Variants in LRRC17 observed in about 807,000 individuals in gnomAD.
LRRC17 encodes the protein leucine rich repeat containing 17.
LRRC17 carries 33 observed loss-of-function variants against 41.5 expected under a neutral mutation model. The ratio of observed to expected loss-of-function variants is 0.80; its 90% CI spans 0.60 to 1.06. The LOEUF is 1.06. Among genes scored for constraint, LRRC17 ranks in the 50% least tolerant of loss-of-function variants. LRRC17 has a pLI of 0.00. For synonymous variants in LRRC17, 192 were observed against 197.0 expected (o/e 0.97, Z 0.21); for missense variants, 491 against 519.3 (o/e 0.95, Z 0.53).
intron 1 of LRRC17, among the ~76,000 whole-genome samples, chr7:102,918,651 A>G (rs1010896304): frequency 1.3e-5 from 2 of 152,156 alleles, no homozygotes; most frequent in African/African-American, 4.8e-5. Context: ...TCTTGTCTCT[A>G]CAAAAGATTT....
Position 102,944,507 on chromosome 7 carries a change from C to T in LRRC17, c.1226C>T (p.Pro409Leu), listed in dbSNP as rs2129476065. The T allele has an allele frequency of 6.2e-7, 1 of 1,613,968 alleles. No individual in the cohort carries two copies. The highest frequency in any genetic ancestry group is 1.1e-5 in the South Asian group (1 of 91,072). Residue 409 changes from proline to leucine, a missense_variant, in exon 4 of 4, where the codon CCT becomes CTT. Transcript: ENST00000339431. ...ECPKDKLPAYPESFDQDTEDD... is the reference protein window; with the variant it reads ...ECPKDKLPAYLESFDQDTEDD... ...CCCAAAGACAAGTTACCAGCATATC[C>T]TGAGTCATTTGACCAAGACACAGAA...
At chr7:102,942,217 C>T (rs573167549) in intron 3 of LRRC17, 25 of 1,228,160 alleles carry the variant, frequency 2.0e-5, no homozygotes, top group Non-Finnish European at 2.8e-5. Flanking sequence ...TCTTTTGAAA[C>T]AAAAAAGTAT....
chr7:102,923,027 G>C (rs1301775722), intron 1 of LRRC17, among the ~76,000 whole-genome samples: 1 of 152,030 alleles, frequency 6.6e-6, no homozygotes, highest in Non-Finnish European at 1.5e-5. Flanking sequence ...ATTGAAGAAT[G>C]ATTACAGTTC....
intron 1 of LRRC17, among the ~76,000 whole-genome samples, chr7:102,932,385 T>C (rs545694350): frequency 1.3e-5 from 2 of 152,350 alleles, no homozygotes; most frequent in Non-Finnish European, 2.9e-5. Context: ...TCTTTTACTG[T>C]ATTTGCTTTA....
At chr7:102,921,595 G>T (rs1052773431) in intron 1 of LRRC17, among the ~76,000 whole-genome samples, 4 of 151,462 alleles carry the variant, frequency 2.6e-5, no homozygotes, top group African/African-American at 9.7e-5. Context: ...CAGGAAAATT[G>T]CTTGAACCCA....
chr7:102,938,367 A>T (rs1268359152), intron 2 of LRRC17, among the ~76,000 whole-genome samples: 10 of 152,246 alleles, frequency 6.6e-5, no homozygotes, highest in African/African-American at 2.4e-4. Context: ...TATGCAATAA[A>T]CAGGGCCATT....
chr7:102,922,498 A>G (rs1360896948), intron 1 of LRRC17, among the ~76,000 whole-genome samples: 4 of 152,292 alleles, frequency 2.6e-5, no homozygotes, highest in South Asian at 4.1e-4. Context: ...ATTTACTATA[A>G]AATTTTATAT....
intron 1 of LRRC17, among the ~76,000 whole-genome samples, chr7:102,919,548 A>G (rs1381464272): frequency 6.6e-6 from 1 of 152,244 alleles, no homozygotes; most frequent in Non-Finnish European, 1.5e-5. Flanking sequence ...TTAATTTCTC[A>G]GAGAAAAGGA....
In LRRC17 at chr7:102,944,271, C is replaced by T. The variant is rs202172999; in HGVS notation, c.990C>T (p.Asn330=). 2.2e-5 allele frequency: 36 copies of T among 1,613,322 alleles called. No homozygotes were observed. Among genetic ancestry groups the T allele is most frequent in the African/African-American group, 1.3e-5 (1 of 74,906 alleles). The stretch of plus-strand genomic sequence containing the variant: ...ATTTATCAAACAACAGTCTGCAAAA[C>T]TTTGACTATGGCGTATTAGAAGACT... ...ELDLSNNSLQ[N]FDYGVLEDLY... is the part of the protein sequence containing the mutation. Residue 330 remains asparagine, a synonymous_variant, in exon 4 of 4, where the codon AAC becomes AAT. Transcript: ENST00000339431.
intron 1 of LRRC17, among the ~76,000 whole-genome samples, chr7:102,930,551 C>T (rs539861020): frequency 5.3e-5 from 8 of 152,160 alleles, no homozygotes; most frequent in Non-Finnish European, 1.0e-4. Context: ...AATTGGCAGT[C>T]CCTTCTGATT....
At position 102,939,612 on chromosome 7, in the gene LRRC17, A is replaced by G. The variant is rs756402559; in HGVS notation, c.928+27A>G. ...TAAGTTCCCCTGTATAGCCCCTTCA[A>G]TGGGTGGCAAGTGTTCTGTGATTTT... On this transcript the variant is annotated intron_variant, in intron 3 of 3. Transcript: ENST00000339431. 7 of 1,580,942 alleles carry G rather than the reference A, an allele frequency of 4.4e-6. No homozygotes were observed. In the Admixed American group the frequency reaches 7.4e-5, roughly 17 times the overall value.
At position 102,939,702 on chromosome 7, in the gene LRRC17, A is replaced by G. The variant is rs1821027413; in HGVS notation, c.928+117A>G. ...AAGTAACTGAACTAAATAATAAAGT[A>G]CAAGTTTTAATTAAACATGACACTT... On this transcript the variant is annotated intron_variant, in intron 3 of 3. Transcript: ENST00000339431. The G allele has an allele frequency of 7.4e-6, 7 of 952,336 alleles. No individual in the cohort carries two copies. In the East Asian group the frequency reaches 7.5e-5, roughly 10 times the overall value. 59.0% of individuals were successfully genotyped at this position (952,336 alleles called of 1,614,324 possible).
At chr7:102,927,299 C>T (rs956475586) in intron 1 of LRRC17, among the ~76,000 whole-genome samples, 7 of 152,098 alleles carry the variant, frequency 4.6e-5, no homozygotes, top group African/African-American at 9.7e-5. Flanking sequence ...CAATGTTTGA[C>T]GCTACATCAG....
At chr7:102,926,184 G>A in intron 1 of LRRC17, 1 of 1,036,808 alleles carries the variant, frequency 9.6e-7, no homozygotes, top group Non-Finnish European at 1.4e-6. Context: ...TGTTGATAAA[G>A]GGAGCACTGC....
intron 1 of LRRC17, among the ~76,000 whole-genome samples, chr7:102,915,108 G>A (rs976833230): frequency 1.3e-5 from 2 of 150,400 alleles, no homozygotes; most frequent in Admixed American, 6.6e-5. Flanking sequence ...CATTTGTTAA[G>A]TGGAGATTAA....
intron 2 of LRRC17, among the ~76,000 whole-genome samples, chr7:102,939,186 T>C (rs1314737141): frequency 6.6e-6 from 1 of 152,220 alleles, no homozygotes; most frequent in Non-Finnish European, 1.5e-5. Context: ...TTAATGGCTT[T>C]ATAGGGCCTT....
At chr7:102,913,330 TCAA>T in intron 1 of LRRC17, 185 bp downstream of exon 1, 1 of 1,307,864 alleles carries the variant, frequency 7.6e-7, no homozygotes, top group Non-Finnish European at 1.1e-6. Flanking sequence ...TTGCAGATGT[TCAA>T]CATTTAACTT....
At chr7:102,927,925 C>G (rs567222674) in intron 1 of LRRC17, among the ~76,000 whole-genome samples, 1 of 152,294 alleles carries the variant, frequency 6.6e-6, no homozygotes, top group African/African-American at 2.4e-5. Flanking sequence ...TGATTATACA[C>G]TTGTTGAAAG....
chr7:102,921,130 C>A lies in LRRC17; in HGVS notation c.-141+7985C>A, dbSNP rs912291972. Among the ~76,000 whole-genome samples the A allele has an allele frequency of 2.6e-5, 4 of 152,068 alleles. No individual in the cohort carries two copies. In the South Asian group the frequency reaches 6.2e-4, roughly 24 times the overall value. Reference sequence around the variant, plus strand: ...TCACTTCATTGCACTCCAGCCTGGGCAACAGGGCGAGACTCCGTCTCAAAA... The same window carrying A: ...TCACTTCATTGCACTCCAGCCTGGGAAACAGGGCGAGACTCCGTCTCAAAA... On this transcript the variant is annotated intron_variant, in intron 1 of 3. Coordinates refer to ENST00000339431, the MANE Select transcript of LRRC17 (RefSeq NM_001031692.3).
Sources: allele counts gnomAD v4.1 joint callset (sites outside exome capture counted in the v4.1 genomes callset), GRCh38; gene constraint gnomAD v4.1.1; transcripts MANE v1.5; gene names NCBI Gene and HGNC (gene_info 2026-07-23, HGNC 2026-07-21).